The following DACH1 variants were observed in gnomAD, a reference collection of about 807,000 sequenced individuals.
DACH1 encodes the protein dachshund homolog 1.
A neutral mutation model predicts 54.2 loss-of-function variants in DACH1; 12 were observed. The observed-to-expected ratio is 0.22, with a 90% CI of 0.14 to 0.36. The LOEUF (loss-of-function observed/expected upper bound fraction) is 0.36. Among genes scored for constraint, DACH1 ranks in the 10% least tolerant of loss-of-function variants. The pLI, the probability that DACH1 is intolerant of heterozygous loss-of-function variation, is 1.00. For missense variants in DACH1, 805 were observed against 929.8 expected, an observed-to-expected ratio of 0.87 and a Z score of 1.75; for synonymous variants, 386 against 366.2, an observed-to-expected ratio of 1.05 and a Z score of -0.62.
intron 1 of DACH1, among the ~76,000 whole-genome samples, chr13:71,807,935 T>G (rs953446382): frequency 1.3e-5 from 2 of 152,186 alleles, no homozygotes; most frequent in South Asian, 4.1e-4. Flanking sequence ...TGATTACTTT[T>G]CCTGATGTTA....
chr13:71,641,269 A>G (rs973468167), intron 2 of DACH1, among the ~76,000 whole-genome samples: 1 of 152,104 alleles, frequency 6.6e-6, no homozygotes, highest in African/African-American at 2.4e-5. Context: ...ATATATATAC[A>G]CACACATAGA....
At chr13:71,597,922 G>A (rs1324056949) in intron 3 of DACH1, among the ~76,000 whole-genome samples, 1 of 151,870 alleles carries the variant, frequency 6.6e-6, no homozygotes, top group Non-Finnish European at 1.5e-5. Flanking sequence ...TTCCAGAGTA[G>A]CCTGGGCAAC....
intron 1 of DACH1, among the ~76,000 whole-genome samples, chr13:71,717,050 C>T (rs1352652243): frequency 2.6e-5 from 4 of 151,960 alleles, no homozygotes; most frequent in Admixed American, 2.0e-4. Context: ...TTCCATCCCT[C>T]ATTAAATTAA....
intron 3 of DACH1, among the ~76,000 whole-genome samples, chr13:71,593,741 C>A (rs994917081): frequency 1.3e-5 from 2 of 151,908 alleles, no homozygotes; most frequent in Admixed American, 6.6e-5. Context: ...AGGTCAATAA[C>A]AATGGAACAT....
intron 1 of DACH1, among the ~76,000 whole-genome samples, chr13:71,841,092 A>G (rs1472450434): frequency 6.6e-6 from 1 of 152,158 alleles, no homozygotes; most frequent in East Asian, 1.9e-4. Context: ...GAAACCTAAA[A>G]TATGTGGATG....
intron 1 of DACH1, among the ~76,000 whole-genome samples, chr13:71,694,361 C>G (rs1881705855): frequency 6.6e-6 from 1 of 152,064 alleles, no homozygotes; most frequent in Non-Finnish European, 1.5e-5. Flanking sequence ...GGATTCCAGG[C>G]CTATGAACTA....
intron 7 of DACH1, among the ~76,000 whole-genome samples, chr13:71,488,736 G>A (rs1302224019): frequency 1.3e-5 from 2 of 150,910 alleles, no homozygotes; most frequent in Admixed American, 1.3e-4. Flanking sequence ...TAGACAGAAT[G>A]AATTTTAAAG....
At chr13:71,571,822 G>A (rs1400360388) in intron 4 of DACH1, among the ~76,000 whole-genome samples, 3 of 144,040 alleles carry the variant, frequency 2.1e-5, no homozygotes, top group Admixed American at 7.2e-5. Context: ...TGCAAGCTCC[G>A]CCTCCTGGGT....
At chr13:71,640,396 T>C (rs1877809615) in intron 2 of DACH1, among the ~76,000 whole-genome samples, 1 of 152,108 alleles carries the variant, frequency 6.6e-6, no homozygotes, top group Admixed American at 6.6e-5. Context: ...ACTTTTAACC[T>C]ATACTGTATT....
intron 6 of DACH1, among the ~76,000 whole-genome samples, chr13:71,525,473 T>C (rs1226409470): frequency 2.0e-5 from 3 of 152,156 alleles, no homozygotes; most frequent in Non-Finnish European, 4.4e-5. Flanking sequence ...TTAAACAATA[T>C]AAATTATTTT....
At chr13:71,612,718 G>A (rs1875427446) in intron 3 of DACH1, among the ~76,000 whole-genome samples, 2 of 152,132 alleles carry the variant, frequency 1.3e-5, no homozygotes, top group South Asian at 4.1e-4. Context: ...CATTGTACAA[G>A]AAAATGAGAT....
chr13:71,725,486 G>GAGTAA (rs1345868595), intron 1 of DACH1, among the ~76,000 whole-genome samples: 3 of 152,130 alleles, frequency 2.0e-5, no homozygotes, highest in African/African-American at 7.2e-5. Flanking sequence ...GTACCAATAA[G>GAGTAA]AGTAAAGTTG....
intron 1 of DACH1, among the ~76,000 whole-genome samples, chr13:71,823,011 C>G (rs879648107): frequency 2.6e-5 from 4 of 152,050 alleles, no homozygotes; most frequent in Non-Finnish European, 5.9e-5. Flanking sequence ...GGACTATATC[C>G]TGTAAAATAA....
chr13:71,561,210 C>T (rs757943457), intron 4 of DACH1, among the ~76,000 whole-genome samples: 31 of 152,072 alleles, frequency 2.0e-4, no homozygotes, highest in Non-Finnish European at 4.0e-4. Flanking sequence ...CTTAAATGCG[C>T]TTATGCTTGA....
intron 1 of DACH1, among the ~76,000 whole-genome samples, chr13:71,732,646 A>G (rs1193500822): frequency 6.6e-6 from 1 of 151,542 alleles, no homozygotes; most frequent in African/African-American, 2.4e-5. Context: ...AGGTCAGCAA[A>G]TAATAGTCTG....
chr13:71,541,431 C>T (rs1023588592), intron 6 of DACH1, among the ~76,000 whole-genome samples: 3 of 151,902 alleles, frequency 2.0e-5, no homozygotes, highest in African/African-American at 7.3e-5. Context: ...TTTAATTATG[C>T]AAATAAACTA....
chr13:71,747,631 C>G (rs1284341388), intron 1 of DACH1, among the ~76,000 whole-genome samples: 1 of 152,146 alleles, frequency 6.6e-6, no homozygotes, highest in African/African-American at 2.4e-5. Context: ...GCATTCATGT[C>G]ATGCCCAGGC....
At chr13:71,853,109 T>C (rs912821834) in intron 1 of DACH1, among the ~76,000 whole-genome samples, 2 of 152,212 alleles carry the variant, frequency 1.3e-5, no homozygotes, top group Non-Finnish European at 2.9e-5. Context: ...CTTAGGGCGA[T>C]ATGAAAAATT....
intron 3 of DACH1, among the ~76,000 whole-genome samples, chr13:71,589,170 A>G (rs1873511733): frequency 6.6e-6 from 1 of 152,150 alleles, no homozygotes; most frequent in South Asian, 2.1e-4. Context: ...TAAAACATAA[A>G]ATGGTACTTA....
Sources: gnomAD v4.1 joint callset for allele counts (sites outside exome capture counted in the v4.1 genomes callset) on GRCh38, gnomAD v4.1.1 for gene constraint, MANE v1.5 for transcripts, NCBI Gene and HGNC (gene_info 2026-07-23, HGNC 2026-07-21) for gene names.